Variants in UPK1A observed in about 807,000 individuals in gnomAD.
UPK1A encodes uroplakin 1A, also known as uroplakin-1a.
A neutral mutation model predicts 32.3 loss-of-function variants in UPK1A; 31 were observed. The ratio of observed to expected loss-of-function variants is 0.96; its 90% CI spans 0.72 to 1.30. The LOEUF is 1.30. UPK1A is among the 50% of genes most tolerant of loss of function. The probability of loss-of-function intolerance (pLI) is 0.00; values close to 1 mark genes in which losing one functional copy is unlikely to be tolerated. For synonymous variants in UPK1A, 135 were observed against 137.1 expected (o/e 0.98, Z 0.11); for missense variants, 340 against 357.4 (o/e 0.95, Z 0.39).
chr19:35,674,785 T>C (rs1177267837), intron 5 of UPK1A, among the ~76,000 whole-genome samples: 1 of 152,022 alleles, frequency 6.6e-6, no homozygotes, highest in East Asian at 1.9e-4. Flanking sequence ...CTCAAACCTA[T>C]AATCCCAACA....
chr19:35,675,770 T>C, intron 5 of UPK1A, 70 bp from the exon 6 acceptor site: 1 of 1,522,636 alleles, frequency 6.6e-7, no homozygotes, highest in Non-Finnish European at 8.8e-7. Flanking sequence ...CCCTCCTTGC[T>C]GTGTGACCTC....
chr19:35,669,276 C>T (rs1205591065), intron 3 of UPK1A, among the ~76,000 whole-genome samples: 1 of 152,070 alleles, frequency 6.6e-6, no homozygotes, highest in Non-Finnish European at 1.5e-5. Flanking sequence ...AGCAGATCGG[C>T]TCTTGAGGCT....
chr19:35,671,076 G>T (rs1455428582), intron 3 of UPK1A, among the ~76,000 whole-genome samples: 2 of 151,806 alleles, frequency 1.3e-5, no homozygotes, highest in East Asian at 3.9e-4. Flanking sequence ...GCCCTAAAAA[G>T]TCACCCAACT....
chr19:35,671,352 A>G (rs1175383594), intron 3 of UPK1A, among the ~76,000 whole-genome samples: 5 of 125,688 alleles, frequency 4.0e-5, no homozygotes, highest in African/African-American at 1.3e-4. Flanking sequence ...GCGCCACTGC[A>G]CTCCAGCCTG....
chr19:35,666,993 T>C, intron 2 of UPK1A, 97 bp downstream of exon 2: 5 of 1,245,232 alleles, frequency 4.0e-6, no homozygotes, highest in Non-Finnish European at 3.5e-6. Context: ...GAACTGTCTC[T>C]CGGGCAGACT....
chr19:35,669,571 T>TG (rs1326575487), intron 3 of UPK1A, among the ~76,000 whole-genome samples: 1 of 151,344 alleles, frequency 6.6e-6, no homozygotes, highest in Non-Finnish European at 1.5e-5. Flanking sequence ...CTCAGGAGGC[T>TG]GGGGCGGAAG....
At chr19:35,675,041 CAAAA>C (rs1174443353) in intron 5 of UPK1A, among the ~76,000 whole-genome samples, 4 of 78,892 alleles carry the variant, frequency 5.1e-5, no homozygotes, top group Non-Finnish European at 5.6e-5. Context: ...GACTCCGTCT[CAAAA>C]AAAAAAAAAA....
At chr19:35,667,954 TA>T (rs1968023386) in intron 2 of UPK1A, 1 of 205,404 alleles carries the variant, frequency 4.9e-6, no homozygotes, top group Admixed American at 5.4e-5. Context: ...CACATCTAGC[TA>T]ATTTTTTTAT....
intron 5 of UPK1A, among the ~76,000 whole-genome samples, chr19:35,675,398 C>T (rs1968165553): frequency 6.6e-6 from 1 of 152,030 alleles, no homozygotes; most frequent in Admixed American, 6.6e-5. Context: ...TCTCCTGCCC[C>T]AGCCTCTCAA....
In UPK1A at chr19:35,677,762, C is replaced by T. The variant is rs761137388; in HGVS notation, c.649-50C>T. The T allele has an allele frequency of 1.1e-5, 18 of 1,605,198 alleles. No homozygotes were observed. The East Asian group carries it at 3.6e-4, about 32-fold the overall frequency. ...GGCGCACAGTGACTCTCGCTTTCAG[C>T]GGCTACCCTCATGGGCGTCTTCTCA... On this transcript the variant is annotated intron_variant, in intron 6 of 7. Coordinates refer to ENST00000617999, the Ensembl canonical transcript of UPK1A.
chr19:35,672,177 C>G (rs1157343567), intron 3 of UPK1A, among the ~76,000 whole-genome samples: 1 of 152,198 alleles, frequency 6.6e-6, no homozygotes, highest in Non-Finnish European at 1.5e-5. Context: ...TGGCACAACC[C>G]ACCAAATTCA....
At chr19:35,666,698 TG>T in intron 1 of UPK1A, 110 bp from the exon 2 acceptor site, 1 of 1,088,138 alleles carries the variant, frequency 9.2e-7, no homozygotes, top group Non-Finnish European at 1.4e-6. Context: ...AGTACCAGCC[TG>T]GGCCCCGCAG....
At chr19:35,674,334 C>G (rs1472109626) in intron 5 of UPK1A, among the ~76,000 whole-genome samples, 1 of 150,408 alleles carries the variant, frequency 6.6e-6, no homozygotes, top group African/African-American at 2.5e-5. Context: ...GCAAGCTCCG[C>G]CTCCCGGGTT....
At chr19:35,673,012 G>T (rs1393339200) in intron 3 of UPK1A, among the ~76,000 whole-genome samples, 2 of 152,166 alleles carry the variant, frequency 1.3e-5, no homozygotes, top group Non-Finnish European at 2.9e-5. Context: ...ACCACGCCTC[G>T]CCTGTCTCAA....
chr19:35,674,353 TCTC>T (rs1382327773), intron 5 of UPK1A, among the ~76,000 whole-genome samples: 12 of 150,298 alleles, frequency 8.0e-5, no homozygotes, highest in Non-Finnish European at 1.6e-4. Context: ...TTCACGCTAT[TCTC>T]CTGCCTCAGC....
rs79704093 is a variant in UPK1A, at chr19:35,668,579, C to T, written c.210C>T (p.Cys70=). The T allele has an allele frequency of 3.6e-3, 5,822 of 1,614,122 alleles. 322 individuals carry two copies. The East Asian group carries it at 0.11, about 32-fold the overall frequency. ...CTGGTGCCTGGATTGCCATCTTCTG[C>T]GGCTTCTCCTTCTTCATGGTAGCCA... Residue 70 remains cysteine, a synonymous_variant, in exon 3 of 8, where the codon TGC becomes TGT. Coordinates refer to ENST00000617999, the Ensembl canonical transcript of UPK1A.
In UPK1A at chr19:35,676,687, T is replaced by G. The variant is rs76577578; in HGVS notation, c.648+668T>G. The stretch of plus-strand genomic sequence containing the variant: ...GCTGAGGAGGGCAGATCACTTGAGG[T>G]CAAGAGTTCGAGACCAGCCTGACCA... On this transcript the variant is annotated intron_variant, in intron 6 of 7. Coordinates refer to ENST00000617999, the Ensembl canonical transcript of UPK1A. 3.8e-3 allele frequency among the ~76,000 whole-genome samples: 573 copies of G among 150,522 alleles called. 34 individuals are homozygous for G. In the East Asian group the frequency reaches 0.11, roughly 28 times the overall value.
intron 3 of UPK1A, 162 bp downstream of exon 3, chr19:35,668,816 C>A: frequency 1.2e-6 from 1 of 824,336 alleles, no homozygotes; most frequent in Non-Finnish European, 1.8e-6. Flanking sequence ...AGCCCAATAA[C>A]CCAGGCTTGA....
chr19:35,672,383 T>A (rs912490708), intron 3 of UPK1A, among the ~76,000 whole-genome samples: 1 of 152,164 alleles, frequency 6.6e-6, no homozygotes, highest in African/African-American at 2.4e-5. Context: ...TATCTCATCC[T>A]CCTGAGTAGC....
Sources: gnomAD v4.1 joint callset for allele counts (sites outside exome capture counted in the v4.1 genomes callset) on GRCh38, gnomAD v4.1.1 for gene constraint, MANE v1.5 for transcripts, NCBI Gene and HGNC (gene_info 2026-07-23, HGNC 2026-07-21) for gene names.